TDRD10: variants seen among roughly 807,000 people sequenced by gnomAD.
TDRD10 encodes the protein tudor domain containing 10.
A neutral mutation model predicts 48.0 loss-of-function variants in TDRD10; 40 were observed. The observed-to-expected ratio is 0.83, with a 90% confidence interval of 0.65 to 1.09. TDRD10 has a LOEUF of 1.09. TDRD10 is among the 50% of genes least tolerant of loss of function. The pLI is 0.00. For synonymous variants in TDRD10, 162 were observed against 170.4 expected, an observed-to-expected ratio of 0.95 and a Z score of 0.38; for missense variants, 378 against 434.7, an observed-to-expected ratio of 0.87 and a Z score of 1.16.
At chr1:154,509,829 G>C in intron 4 of TDRD10, 1 of 985,366 alleles carries the variant, frequency 1.0e-6, no homozygotes, top group Non-Finnish European at 1.2e-6. Context: ...AGTGAAGTGG[G>C]CAGAGGAGCC....
intron 6 of TDRD10, among the ~76,000 whole-genome samples, chr1:154,535,897 T>C (rs1407894225): frequency 9.2e-5 from 14 of 152,130 alleles, no homozygotes; most frequent in Non-Finnish European, 1.5e-5. Flanking sequence ...ACAGTTGCTG[T>C]GCAGCAGGCA....
At chr1:154,536,298 C>T (rs1197872348) in intron 6 of TDRD10, among the ~76,000 whole-genome samples, 2 of 152,216 alleles carry the variant, frequency 1.3e-5, no homozygotes, top group South Asian at 2.1e-4. Flanking sequence ...TTTGCTTGAA[C>T]TTGGGAGGCA....
chr1:154,532,509 G>A (rs1482438378), intron 6 of TDRD10, among the ~76,000 whole-genome samples: 1 of 152,196 alleles, frequency 6.6e-6, no homozygotes, highest in Non-Finnish European at 1.5e-5. Context: ...GGCCAGCCCA[G>A]AGAAGGGCTC....
chr1:154,538,809 CATCACTGCA>C (rs1695064057), intron 6 of TDRD10, among the ~76,000 whole-genome samples: 1 of 151,644 alleles, frequency 6.6e-6, no homozygotes. Flanking sequence ...GCCTAGATTG[CATCACTGCA>C]CTCCAGCCTG....
rs1695401067 is a variant in TDRD10, at chr1:154,543,957, C to A, written c.504-6C>A. The stretch of plus-strand genomic sequence containing the variant: ...CCTTTCCTTGCTCCCCTTGCTCTTC[C>A]CGCAGAGGGTCCTTCCTGGTGCTGC... On this transcript the variant is annotated splice_region_variant and splice_polypyrimidine_tract_variant and intron_variant, in intron 8 of 12. Transcript: ENST00000368482. The A allele has an allele frequency of 2.5e-6, 4 of 1,613,698 alleles. No individual in the cohort carries two copies. Among genetic ancestry groups the A allele is most frequent in the Non-Finnish European group, 3.4e-6 (4 of 1,179,898 alleles).
At chr1:154,517,449 C>T (rs1197351771) in intron 4 of TDRD10, among the ~76,000 whole-genome samples, 10 of 136,474 alleles carry the variant, frequency 7.3e-5, no homozygotes, top group African/African-American at 1.1e-4. Flanking sequence ...GAGACGGAGT[C>T]TCGTTCTTGT....
intron 6 of TDRD10, among the ~76,000 whole-genome samples, chr1:154,525,387 C>T (rs1280105815): frequency 1.3e-5 from 1 of 75,260 alleles, no homozygotes; most frequent in African/African-American, 3.7e-5. Context: ...ATGTAAACAA[C>T]ACATGGGTCA....
chr1:154,519,900 C>G (rs150849688), intron 4 of TDRD10, among the ~76,000 whole-genome samples: 4 of 152,046 alleles, frequency 2.6e-5, no homozygotes, highest in Non-Finnish European at 5.9e-5. Context: ...ACCATATCCC[C>G]GGGCAGAGGC....
chr1:154,528,329 T>G (rs532144017), intron 6 of TDRD10, among the ~76,000 whole-genome samples: 1 of 152,090 alleles, frequency 6.6e-6, no homozygotes, highest in East Asian at 1.9e-4. Context: ...GGGTTCGAGA[T>G]TCTCCTTCCT....
chr1:154,508,272 TG>T (rs1693259304), intron 3 of TDRD10, 150 bp from the exon 4 acceptor site: 1 of 647,912 alleles, frequency 1.5e-6, no homozygotes, highest in Non-Finnish European at 2.8e-6. Context: ...TCCAGGACTT[TG>T]GGAGACTGAG....
rs748117533 is a variant in TDRD10 at position 154,521,445 on chromosome 1, C to T, written c.335C>T (p.Thr112Ile). 6.2e-7 allele frequency: 1 copy of T among 1,614,130 alleles called. No individual in the cohort carries two copies. Among genetic ancestry groups the T allele is most frequent in the Non-Finnish European group, 8.5e-7 (1 of 1,180,034 alleles). ...VNTSKRPPKRTPDMIQQPRAP... is the reference protein window; with the variant it reads ...VNTSKRPPKRIPDMIQQPRAP... ...ACAAGCAAAAGGCCCCCCAAGAGGA[C>T]CCCTGATATGATCCAGCAGCCTCGG... The change falls in exon 6 of 13, where the codon ACC becomes ATC. Residue 112 changes from threonine (T) to isoleucine (I), a missense_variant. Coordinates refer to ENST00000368482, the MANE Select transcript of TDRD10 (RefSeq NM_182499.4).
intron 4 of TDRD10, among the ~76,000 whole-genome samples, chr1:154,516,982 G>A (rs1185599185): frequency 6.6e-6 from 1 of 152,186 alleles, no homozygotes; most frequent in African/African-American, 2.4e-5. Flanking sequence ...TGTAGGTTCG[G>A]GTGGGACAGG....
At position 154,543,995 on chromosome 1, in the gene TDRD10, G is replaced by C; in HGVS notation, c.536G>C (p.Cys179Ser). 1 of 1,614,084 alleles carries C rather than the reference G, an allele frequency of 6.2e-7. No homozygotes were observed. ...TTCCTGGTGCTGCTCCTGAGGGAAT[G>C]CTTCCGAGACCTGAGCTGGCTGGCA... The part of the protein sequence containing the change: ...GSFLVLLLRE[C>S]FRDLSWLALI... The change falls in exon 9 of 13, where the codon TGC becomes TCC. Residue 179 changes from cysteine (C) to serine (S), a missense_variant. Physicochemically the swap from Cys to Ser is moderately radical, Grantham distance 112. Coordinates refer to ENST00000368482, the MANE Select transcript of TDRD10 (RefSeq NM_182499.4).
Position 154,502,817 on chromosome 1 carries a change from C to T in TDRD10, c.-240C>T, listed in dbSNP as rs573531409. On this transcript the variant is annotated 5_prime_UTR_variant, in exon 1 of 13. Transcript: ENST00000368482. ...GCGGCCCGAGGTCCGGGCGCAGGGA[C>T]AACGGTCGCCAGCTCCTGCGCTAGT... 1 of 152,318 alleles carries T rather than the reference C, an allele frequency of 6.6e-6. No homozygotes were observed. The highest frequency in any genetic ancestry group is 1.5e-5 in the Non-Finnish European group (1 of 68,128). The allele number at this position is 152,318 out of a possible 1,614,324, so 9.4% of individuals were successfully genotyped here. A position where few individuals can be genotyped will look rare whatever the true frequency, so the allele number is the denominator to read the frequency against.
intron 4 of TDRD10, among the ~76,000 whole-genome samples, chr1:154,515,544 A>C (rs1445473024): frequency 1.3e-5 from 2 of 152,156 alleles, no homozygotes; most frequent in Non-Finnish European, 2.9e-5. Flanking sequence ...TTCAGCCCAG[A>C]ACCTGCCATA....
At chr1:154,515,913 C>T (rs371048860) in intron 4 of TDRD10, among the ~76,000 whole-genome samples, 108 of 152,220 alleles carry the variant, frequency 7.1e-4, no homozygotes, top group African/African-American at 2.6e-3. Flanking sequence ...GGCGGGGTTT[C>T]ACCATGTTGG....
chr1:154,511,404 T>TGGCCGGATCACCTC (rs1693466407), intron 4 of TDRD10, among the ~76,000 whole-genome samples: 1 of 151,774 alleles, frequency 6.6e-6, no homozygotes, highest in Non-Finnish European at 1.5e-5. Flanking sequence ...GAGGCCGAGG[T>TGGCCGGATCACCTC]GGCCGGATCA....
intron 1 of TDRD10, among the ~76,000 whole-genome samples, chr1:154,505,043 A>G (rs1369683309): frequency 6.6e-6 from 1 of 152,222 alleles, no homozygotes; most frequent in African/African-American, 2.4e-5. Context: ...TCTCCAGACC[A>G]AACAATAGAT....
intron 7 of TDRD10, 108 bp downstream of exon 7, chr1:154,542,174 C>T: frequency 1.8e-6 from 2 of 1,094,324 alleles, no homozygotes; most frequent in South Asian, 2.8e-5. Flanking sequence ...CCCTGATGAC[C>T]CTTAGTGTAG....
Sources: allele counts gnomAD v4.1 joint callset (sites outside exome capture counted in the v4.1 genomes callset), GRCh38; gene constraint gnomAD v4.1.1; transcripts MANE v1.5; gene names NCBI Gene and HGNC (gene_info 2026-07-23, HGNC 2026-07-21).